XIRP2: variants seen among roughly 807,000 people sequenced by gnomAD.
XIRP2 encodes the protein xin actin binding repeat containing 2.
Under a neutral mutation model 277.0 loss-of-function variants are expected in XIRP2, and 236 were observed. The ratio of observed to expected loss-of-function variants is 0.85; its 90% CI spans 0.77 to 0.95. XIRP2 has a LOEUF of 0.95. Ranked by LOEUF, XIRP2 falls within the 40% of genes least tolerant of loss-of-function variation. The pLI is 0.00. For synonymous variants in XIRP2, 1,490 were observed against 1,416.5 expected, an observed-to-expected ratio of 1.05 and a Z score of -1.17; for missense variants, 4,640 against 4,157.5, an observed-to-expected ratio of 1.12 and a Z score of -3.19.
intron 2 of XIRP2, among the ~76,000 whole-genome samples, chr2:167,016,788 T>C (rs1687838268): frequency 6.6e-6 from 1 of 151,978 alleles, no homozygotes; most frequent in Admixed American, 6.6e-5. Context: ...ATGAAGATTC[T>C]CATCCTGCAT....
intron 2 of XIRP2, among the ~76,000 whole-genome samples, chr2:167,131,425 A>T (rs1000954831): frequency 3.9e-5 from 6 of 152,148 alleles, no homozygotes; most frequent in Non-Finnish European, 7.3e-5. Context: ...TCCCATCCAC[A>T]TTAACATTGA....
At chr2:166,980,904 C>A (rs1686849183) in intron 2 of XIRP2, among the ~76,000 whole-genome samples, 2 of 151,906 alleles carry the variant, frequency 1.3e-5, no homozygotes, top group Non-Finnish European at 2.9e-5. Flanking sequence ...TTTGGTCATG[C>A]ATTTTTTCAA....
Position 166,909,943 on chromosome 2 carries a change from T to C in XIRP2, c.408+6053T>C, listed in dbSNP as rs140548366. Among the ~76,000 whole-genome samples the C allele has an allele frequency of 3.8e-3, 579 of 152,350 alleles. 8 individuals are homozygous for C. The highest frequency in any genetic ancestry group is 0.018 in the Admixed American group (280 of 15,304). ...TGATTTGCGTATGTTGAACCAGCCT[T>C]GCATCCCAGGGATGAAGCCCACTTG... On this transcript the variant is annotated intron_variant, in intron 2 of 10. Coordinates refer to ENST00000409195, the MANE Select transcript of XIRP2 (RefSeq NM_152381.6).
chr2:166,948,665 A>T (rs1297392498), intron 2 of XIRP2, among the ~76,000 whole-genome samples: 2 of 152,010 alleles, frequency 1.3e-5, no homozygotes, highest in Non-Finnish European at 2.9e-5. Context: ...TATCTGTACA[A>T]CTTTACTACT....
chr2:167,067,702 T>C (rs1315079348), intron 2 of XIRP2, among the ~76,000 whole-genome samples: 1 of 152,182 alleles, frequency 6.6e-6, no homozygotes, highest in African/African-American at 2.4e-5. Flanking sequence ...GAGCTGATAC[T>C]AGCTCGATGC....
At chr2:167,197,965 A>G (rs530182637) in intron 3 of XIRP2, among the ~76,000 whole-genome samples, 8 of 152,340 alleles carry the variant, frequency 5.3e-5, no homozygotes, top group African/African-American at 1.4e-4. Context: ...TGCCCTTTAA[A>G]AACAGGAGTA....
chr2:167,158,503 T>C (rs1393567361), intron 3 of XIRP2, among the ~76,000 whole-genome samples: 1 of 152,172 alleles, frequency 6.6e-6, no homozygotes, highest in Non-Finnish European at 1.5e-5. Flanking sequence ...CTGTGTGAGG[T>C]TGGGATGGCC....
chr2:167,126,199 A>T (rs7569149), intron 2 of XIRP2, among the ~76,000 whole-genome samples: 71 of 81,948 alleles, frequency 8.7e-4, no homozygotes, highest in African/African-American at 6.5e-3. Flanking sequence ...TCTCTCTCTC[A>T]CACTCTCACT....
chr2:167,183,194 T>C (rs1693065254), intron 3 of XIRP2, among the ~76,000 whole-genome samples: 2 of 152,202 alleles, frequency 1.3e-5, no homozygotes, highest in Non-Finnish European at 2.9e-5. Context: ...TATCTTTCAT[T>C]GTAGACTAGG....
intron 2 of XIRP2, among the ~76,000 whole-genome samples, chr2:167,089,947 G>C: frequency 6.6e-6 from 1 of 152,106 alleles, no homozygotes; most frequent in East Asian, 1.9e-4. Flanking sequence ...CAGACATCTG[G>C]CATAGAAAAG....
intron 2 of XIRP2, among the ~76,000 whole-genome samples, chr2:166,914,371 C>A (rs1388756349): frequency 6.6e-6 from 1 of 152,084 alleles, no homozygotes. Flanking sequence ...GATGGAGTCT[C>A]GCTCTGTCAC....
chr2:166,987,226 G>T (rs940112719), intron 2 of XIRP2, among the ~76,000 whole-genome samples: 1 of 152,176 alleles, frequency 6.6e-6, no homozygotes, highest in East Asian at 1.9e-4. Flanking sequence ...AGTCACTTTT[G>T]TCAGTTCTGA....
At chr2:167,256,458 A>G (rs899694425) in intron 10 of XIRP2, among the ~76,000 whole-genome samples, 1 of 151,274 alleles carries the variant, frequency 6.6e-6, no homozygotes, top group South Asian at 2.1e-4. Flanking sequence ...GATTTCTGGC[A>G]CCTCACTTAT....
intron 2 of XIRP2, among the ~76,000 whole-genome samples, chr2:167,031,998 C>A (rs773274988): frequency 3.3e-5 from 5 of 152,126 alleles, no homozygotes; most frequent in Non-Finnish European, 7.4e-5. Context: ...ATAGCCAAGA[C>A]AATCCTAAGC....
chr2:167,018,960 T>A (rs1266477050), intron 2 of XIRP2, among the ~76,000 whole-genome samples: 1 of 152,036 alleles, frequency 6.6e-6, no homozygotes, highest in African/African-American at 2.4e-5. Context: ...TTTTTTCTTT[T>A]TTAATCTTTG....
At chr2:166,962,730 A>G (rs1363418728) in intron 2 of XIRP2, among the ~76,000 whole-genome samples, 2 of 151,770 alleles carry the variant, frequency 1.3e-5, no homozygotes, top group Non-Finnish European at 2.9e-5. Flanking sequence ...GATTTTCCAA[A>G]TAGAGGTTCT....
intron 3 of XIRP2, among the ~76,000 whole-genome samples, chr2:167,138,494 A>G (rs1691619787): frequency 6.6e-6 from 1 of 152,152 alleles, no homozygotes. Flanking sequence ...CACCACGTCT[A>G]TTTTATTTGC....
At chr2:167,160,096 G>T (rs1476092574) in intron 3 of XIRP2, among the ~76,000 whole-genome samples, 1 of 152,098 alleles carries the variant, frequency 6.6e-6, no homozygotes, top group South Asian at 2.1e-4. Flanking sequence ...TATTGAAAAT[G>T]CCTGGCCCTG....
At chr2:167,061,583 T>C (rs1286872219) in intron 2 of XIRP2, among the ~76,000 whole-genome samples, 1 of 152,142 alleles carries the variant, frequency 6.6e-6, no homozygotes, top group Non-Finnish European at 1.5e-5. Context: ...TATGACTTTA[T>C]TTGAAAATAT....
Sources: allele counts gnomAD v4.1 joint callset (sites outside exome capture counted in the v4.1 genomes callset), GRCh38; gene constraint gnomAD v4.1.1; transcripts MANE v1.5; gene names NCBI Gene and HGNC (gene_info 2026-07-23, HGNC 2026-07-21).